The following ABCA13 variants were observed in gnomAD, a reference collection of about 807,000 sequenced individuals.
ABCA13 encodes the protein ATP binding cassette subfamily A member 13.
ABCA13 carries 476 observed loss-of-function variants against 478.7 expected under a neutral mutation model. That is an observed-to-expected ratio of 0.99 (90% CI 0.92 to 1.07). ABCA13 has a LOEUF of 1.07. Among genes scored for constraint, ABCA13 ranks in the 50% least tolerant of loss-of-function variants. The pLI is 0.00. For synonymous variants in ABCA13, 2,252 were observed against 2,158.9 expected, an observed-to-expected ratio of 1.04 and a Z score of -1.20; for missense variants, 6,060 against 5,910.6, an observed-to-expected ratio of 1.03 and a Z score of -0.83.
intron 52 of ABCA13, 27 bp from the exon 53 acceptor site, chr7:48,520,014 A>ATTTTTTT: frequency 6.4e-7 from 1 of 1,572,530 alleles, no homozygotes; most frequent in Non-Finnish European, 8.6e-7. Flanking sequence ...TTTTAATTGG[A>ATTTTTTT]TTTTTTTTCT....
intron 56 of ABCA13, among the ~76,000 whole-genome samples, chr7:48,581,155 A>G (rs1440129362): frequency 6.6e-6 from 1 of 152,196 alleles, no homozygotes; most frequent in Non-Finnish European, 1.5e-5. Context: ...ATTCTGAACT[A>G]GAAGCAGAAA....
At chr7:48,257,121 G>T (rs1421486562) in intron 15 of ABCA13, among the ~76,000 whole-genome samples, 1 of 151,752 alleles carries the variant, frequency 6.6e-6, no homozygotes, top group Non-Finnish European at 1.5e-5. Flanking sequence ...GATATTGTTG[G>T]TTTGTACATT....
Position 48,511,211 on chromosome 7 carries a change from G to C in ABCA13, c.13640+12G>C, listed in dbSNP as rs777313942. The C allele has an allele frequency of 6.3e-7, 1 of 1,595,486 alleles. No homozygotes were observed. Among genetic ancestry groups the C allele is most frequent in the Non-Finnish European group, 8.6e-7 (1 of 1,167,510 alleles). On this transcript the variant is annotated intron_variant, in intron 51 of 61. Coordinates refer to ENST00000435803, the MANE Select transcript of ABCA13 (RefSeq NM_152701.5). The stretch of plus-strand genomic sequence containing the variant: ...CTGTCACTTTTCGGGTATGTGATGA[G>C]AAACGCTGCTGCAGAATTACGGTTT...
intron 27 of ABCA13, among the ~76,000 whole-genome samples, chr7:48,321,568 G>C (rs1192974445): frequency 1.3e-5 from 2 of 152,224 alleles, no homozygotes; most frequent in African/African-American, 2.4e-5. Context: ...GCAGAGGAAG[G>C]ATACCTGAAT....
chr7:48,398,938 G>C (rs1157476704), intron 38 of ABCA13, among the ~76,000 whole-genome samples: 1 of 152,116 alleles, frequency 6.6e-6, no homozygotes, highest in East Asian at 1.9e-4. Context: ...GTCCACTAAT[G>C]GTGAGGGTGT....
intron 15 of ABCA13, among the ~76,000 whole-genome samples, chr7:48,264,777 A>G (rs2128730834): frequency 6.6e-6 from 1 of 151,594 alleles, no homozygotes; most frequent in African/African-American, 2.4e-5. Flanking sequence ...TTTAATTTTG[A>G]TGATATTTTG....
intron 27 of ABCA13, among the ~76,000 whole-genome samples, chr7:48,324,626 G>C (rs117064018): frequency 0.014 from 2,190 of 152,312 alleles, 30 homozygotes; most frequent in South Asian, 0.048. Flanking sequence ...AGGGAGGCTA[G>C]TTTGCTAATT....
intron 58 of ABCA13, among the ~76,000 whole-genome samples, chr7:48,613,462 T>G (rs926058042): frequency 6.6e-6 from 1 of 152,170 alleles, no homozygotes; most frequent in Admixed American, 6.5e-5. Flanking sequence ...AGTGCTGGGA[T>G]TACAGGCATG....
intron 29 of ABCA13, among the ~76,000 whole-genome samples, chr7:48,345,344 G>A (rs754672187): frequency 6.6e-6 from 1 of 152,136 alleles, no homozygotes; most frequent in Non-Finnish European, 1.5e-5. Flanking sequence ...GGTCCCTCAG[G>A]AGGTATCCAG....
intron 58 of ABCA13, among the ~76,000 whole-genome samples, chr7:48,595,038 A>G (rs1029611943): frequency 5.3e-5 from 8 of 152,202 alleles, no homozygotes; most frequent in Non-Finnish European, 1.2e-4. Flanking sequence ...GCAGAGCTAG[A>G]ATTTGAACCT....
Position 48,541,766 on chromosome 7 carries a change from A to G in ABCA13, c.14354+13421A>G, listed in dbSNP as rs116583775. Among the ~76,000 whole-genome samples, 707 of 146,122 alleles carry G rather than the reference A, an allele frequency of 4.8e-3. 7 individuals carry two copies. The highest frequency in any genetic ancestry group is 0.016 in the African/African-American group (666 of 41,004). ...CATGTATATAAATATCATATGATAT[A>G]TATCTTAGTTATATCTATATATATA... On this transcript the variant is annotated intron_variant, in intron 55 of 61. Transcript: ENST00000435803.
intron 35 of ABCA13, among the ~76,000 whole-genome samples, chr7:48,385,007 TAC>T (rs1814961132): frequency 6.6e-6 from 1 of 152,194 alleles, no homozygotes; most frequent in Non-Finnish European, 1.5e-5. Context: ...TGTCTCCAAA[TAC>T]AGTCACATTT....
At chr7:48,429,420 C>T (rs972395451) in intron 42 of ABCA13, among the ~76,000 whole-genome samples, 4 of 152,222 alleles carry the variant, frequency 2.6e-5, no homozygotes, top group Non-Finnish European at 1.5e-5. Flanking sequence ...TCCACATTCT[C>T]CCAACCCTTG....
At chr7:48,410,380 C>T (rs950475932) in intron 39 of ABCA13, 140 bp from the exon 40 acceptor site, 23 of 1,014,030 alleles carry the variant, frequency 2.3e-5, no homozygotes, top group South Asian at 7.4e-5. Context: ...GTGGCCAGGA[C>T]GCATTTCAAT....
chr7:48,359,882 C>A (rs1229048758), intron 31 of ABCA13, among the ~76,000 whole-genome samples: 1 of 151,954 alleles, frequency 6.6e-6, no homozygotes, highest in Admixed American at 6.5e-5. Flanking sequence ...AGTAACAGAT[C>A]AAATACCAGG....
chr7:48,330,473 G>GTCCA (rs953570289), intron 27 of ABCA13, among the ~76,000 whole-genome samples: 15 of 102,914 alleles, frequency 1.5e-4, no homozygotes, highest in African/African-American at 3.1e-4. Flanking sequence ...TCATCTGTTT[G>GTCCA]TCCATCCATC....
intron 58 of ABCA13, among the ~76,000 whole-genome samples, chr7:48,597,415 T>A (rs1790414033): frequency 1.3e-5 from 2 of 152,226 alleles, no homozygotes; most frequent in African/African-American, 4.8e-5. Flanking sequence ...GAATAATATG[T>A]TATGAACAGT....
chr7:48,468,034 T>G (rs1239256700), intron 44 of ABCA13, among the ~76,000 whole-genome samples: 2 of 152,132 alleles, frequency 1.3e-5, no homozygotes, highest in African/African-American at 2.4e-5. Flanking sequence ...GTGTAAAATA[T>G]GTCTACCTTT....
chr7:48,412,743 A>G (rs1318536880), intron 41 of ABCA13, among the ~76,000 whole-genome samples, 160 bp downstream of exon 41: 1 of 146,250 alleles, frequency 6.8e-6, no homozygotes, highest in Admixed American at 7.0e-5. Flanking sequence ...CTAGATGCCA[A>G]TAACTGAACT....
Sources: gnomAD v4.1 joint callset for allele counts (sites outside exome capture counted in the v4.1 genomes callset) on GRCh38, gnomAD v4.1.1 for gene constraint, MANE v1.5 for transcripts, NCBI Gene and HGNC (gene_info 2026-07-23, HGNC 2026-07-21) for gene names.